The following NPAS2 variants were observed in gnomAD, a reference collection of about 807,000 sequenced individuals.
NPAS2 encodes neuronal PAS domain protein 2, also known as neuronal PAS domain-containing protein 2.
Under a neutral mutation model 107.5 loss-of-function variants are expected in NPAS2, and 23 were observed. The ratio of observed to expected loss-of-function variants is 0.21; its 90% confidence interval spans 0.15 to 0.30. The LOEUF (loss-of-function observed/expected upper bound fraction) is 0.30. NPAS2 is among the 10% of genes least tolerant of loss of function. NPAS2 has a pLI of 1.00. For synonymous variants in NPAS2, 403 were observed against 417.5 expected (o/e 0.97, Z 0.42); for missense variants, 756 against 1,043.3 (o/e 0.72, Z 3.79).
intron 1 of NPAS2, among the ~76,000 whole-genome samples, chr2:100,850,986 G>T (rs1236766776): frequency 1.5e-5 from 2 of 131,150 alleles, no homozygotes; most frequent in Non-Finnish European, 3.1e-5. Flanking sequence ...AAAAAGGAAG[G>T]ACATTCTGAC....
intron 1 of NPAS2, among the ~76,000 whole-genome samples, chr2:100,843,572 A>G (rs992404321): frequency 6.6e-6 from 1 of 152,196 alleles, no homozygotes; most frequent in African/African-American, 2.4e-5. Context: ...TTTGTCCTAT[A>G]TACTGATATT....
intron 1 of NPAS2, among the ~76,000 whole-genome samples, chr2:100,851,246 G>C (rs959333894): frequency 5.9e-5 from 9 of 152,234 alleles, no homozygotes; most frequent in African/African-American, 2.2e-4. Context: ...AGTGTGAACA[G>C]TACTGAGCTG....
chr2:100,969,547 G>A (rs961504532), intron 11 of NPAS2, among the ~76,000 whole-genome samples: 2 of 152,100 alleles, frequency 1.3e-5, no homozygotes, highest in Admixed American at 6.5e-5. Flanking sequence ...TCTGTTTTAT[G>A]GCTGCATAGT....
At chr2:100,872,927 A>T (rs1344032055) in intron 1 of NPAS2, among the ~76,000 whole-genome samples, 1 of 152,124 alleles carries the variant, frequency 6.6e-6, no homozygotes, top group African/African-American at 2.4e-5. Context: ...CTGCATATCT[A>T]TTGTGACTAA....
Position 100,820,183 on chromosome 2 carries a change from A to C in NPAS2, c.-254A>C, listed in dbSNP as rs1362610774. On this transcript the variant is annotated 5_prime_UTR_variant, in exon 1 of 21. Coordinates refer to ENST00000335681, the MANE Select transcript of NPAS2 (RefSeq NM_002518.4). The surrounding 1 kb of genome is among the most constrained non-coding windows in gnomAD (Gnocchi z 5.6). ...GCGCGAGCAGCCGGCCTCTCGCAGG[A>C]GCCGAGGGACCCGCGCGGCTGCGGC... 6.7e-6 allele frequency: 1 copy of C among 149,900 alleles called. No homozygotes were observed. The highest frequency in any genetic ancestry group is 2.4e-5 in the African/African-American group (1 of 40,926). 9.3% of individuals were successfully genotyped at this position (149,900 alleles called of 1,614,324 possible).
intron 15 of NPAS2, among the ~76,000 whole-genome samples, chr2:100,978,345 A>C (rs984163621): frequency 3.3e-5 from 5 of 152,008 alleles, no homozygotes; most frequent in Non-Finnish European, 7.4e-5. Context: ...CTGTTTTTTT[A>C]ATTCTTTTAA....
In NPAS2 at chr2:100,968,666, G is replaced by A. The variant is rs756864848; in HGVS notation, c.1055+238G>A. 2.0e-5 allele frequency among the ~76,000 whole-genome samples: 3 copies of A among 152,160 alleles called. No homozygotes were observed. Among genetic ancestry groups the A allele is most frequent in the Non-Finnish European group, 2.9e-5 (2 of 68,030 alleles). Reference sequence around the variant, plus strand: ...GAGACTCCTTTCAAGCTCTCAGTCAGGCCCCTTTGAACGCCTCATGGACTC... The same window carrying A: ...GAGACTCCTTTCAAGCTCTCAGTCAAGCCCCTTTGAACGCCTCATGGACTC... On this transcript the variant is annotated intron_variant, in intron 11 of 20. Transcript: ENST00000335681. The surrounding 1 kb of genome is among the most constrained non-coding windows in gnomAD (Gnocchi z 5.3).
intron 1 of NPAS2, chr2:100,847,088 A>G (rs1231007034): frequency 6.6e-6 from 1 of 152,206 alleles, no homozygotes; most frequent in Non-Finnish European, 1.5e-5. Flanking sequence ...AATAATAACA[A>G]TCATTCCATT....
At chr2:100,934,686 C>A in intron 4 of NPAS2, 1 of 603,108 alleles carries the variant, frequency 1.7e-6, no homozygotes, top group Non-Finnish European at 2.1e-6. Flanking sequence ...CTTCAGTAGA[C>A]ACAGACCTAG....
chr2:100,966,462 C>A (rs1558919583), intron 10 of NPAS2, among the ~76,000 whole-genome samples: 1 of 152,072 alleles, frequency 6.6e-6, no homozygotes. Context: ...TAACCACTTA[C>A]AGCTGTATTT....
intron 16 of NPAS2, 124 bp downstream of exon 16, chr2:100,982,501 T>C: frequency 1.7e-6 from 2 of 1,146,132 alleles, no homozygotes; most frequent in Non-Finnish European, 2.4e-6. Context: ...CCCCATTTGC[T>C]TATGAAAGCA....
intron 4 of NPAS2, chr2:100,934,245 C>T (rs901923589): frequency 5.9e-5 from 9 of 151,352 alleles, no homozygotes; most frequent in African/African-American, 2.2e-4. Flanking sequence ...TCTTTTAATT[C>T]TTATGGAAAA....
chr2:100,995,229 T>C (rs1207468170), intron 20 of NPAS2, 171 bp from the exon 21 acceptor site: 1 of 543,604 alleles, frequency 1.8e-6, no homozygotes, highest in Non-Finnish European at 3.2e-6. Flanking sequence ...TTAGTCCCCA[T>C]CCCCACCACA....
At chr2:100,986,153 G>A (rs1005296350) in intron 16 of NPAS2, 1 of 152,122 alleles carries the variant, frequency 6.6e-6, no homozygotes, top group African/African-American at 2.4e-5. Flanking sequence ...AAAGTGACAA[G>A]GAGTCCTCAT....
intron 1 of NPAS2, among the ~76,000 whole-genome samples, chr2:100,882,526 G>A (rs996281832): frequency 2.0e-5 from 3 of 152,134 alleles, no homozygotes; most frequent in African/African-American, 4.8e-5. Flanking sequence ...GCAGGAGAAT[G>A]GCGTAAAACC....
intron 1 of NPAS2, among the ~76,000 whole-genome samples, chr2:100,838,742 T>C (rs569363251): frequency 7.9e-5 from 12 of 152,318 alleles, no homozygotes; most frequent in African/African-American, 2.9e-4. Flanking sequence ...AAAGGGGTGT[T>C]CATAATAATC....
chr2:100,952,691 A>C (rs548637553), intron 7 of NPAS2, among the ~76,000 whole-genome samples: 1 of 152,104 alleles, frequency 6.6e-6, no homozygotes, highest in Non-Finnish European at 1.5e-5. Flanking sequence ...CCTTTGAAGC[A>C]TCCTGTCATT....
chr2:100,981,115 AAGC>A (rs1677409776), intron 15 of NPAS2, among the ~76,000 whole-genome samples: 7 of 152,076 alleles, frequency 4.6e-5, no homozygotes, highest in African/African-American at 1.7e-4. Context: ...GCTGCTTCAA[AAGC>A]TATGCTTTCA....
chr2:100,936,246 G>A (rs2104962182), intron 4 of NPAS2, among the ~76,000 whole-genome samples: 1 of 152,188 alleles, frequency 6.6e-6, no homozygotes, highest in East Asian at 1.9e-4. Flanking sequence ...GGTTCCCGCT[G>A]CCATGCACTT....
Sources: allele counts gnomAD v4.1 joint callset (sites outside exome capture counted in the v4.1 genomes callset), GRCh38; gene constraint gnomAD v4.1.1; non-coding constraint Gnocchi (gnomAD v3.1); transcripts MANE v1.5; gene names NCBI Gene and HGNC (gene_info 2026-07-23, HGNC 2026-07-21).